The following ALOX5 variants were observed in gnomAD, a reference collection of about 807,000 sequenced individuals.
The protein encoded by ALOX5 is polyunsaturated fatty acid 5-lipoxygenase.
A neutral mutation model predicts 87.9 loss-of-function variants in ALOX5; 64 were observed. The ratio of observed to expected loss-of-function variants is 0.73; its 90% CI spans 0.60 to 0.90. ALOX5 has a LOEUF of 0.90. Among genes scored for constraint, ALOX5 ranks in the 40% least tolerant of loss-of-function variants. The pLI is 0.00. For missense variants in ALOX5, 822 were observed against 907.5 expected, an observed-to-expected ratio of 0.91 and a Z score of 1.21; for synonymous variants, 388 against 355.1, an observed-to-expected ratio of 1.09 and a Z score of -1.04.
Position 45,441,443 on chromosome 10 carries a change from C to T in ALOX5, c.1272+13C>T. The T allele has an allele frequency of 6.2e-7, 1 of 1,611,554 alleles. No individual in the cohort carries two copies. The highest frequency in any genetic ancestry group is 8.5e-7 in the Non-Finnish European group (1 of 1,177,954). On this transcript the variant is annotated intron_variant, in intron 9 of 13. Coordinates refer to ENST00000374391, the MANE Select transcript of ALOX5 (RefSeq NM_000698.5). ...CCTCTTTGACAAGGTGGGTGCCCTC[C>T]TACCCTACTTGTTGCCTGGAAGAGC...
intron 7 of ALOX5, among the ~76,000 whole-genome samples, chr10:45,440,028 A>C (rs1842176029): frequency 1.3e-5 from 2 of 152,306 alleles, no homozygotes; most frequent in African/African-American, 4.8e-5. Flanking sequence ...GGAAAGTATG[A>C]GAGACCAAGG....
chr10:45,439,561 G>A (rs1329774794), intron 7 of ALOX5, among the ~76,000 whole-genome samples: 1 of 152,224 alleles, frequency 6.6e-6, no homozygotes, highest in Non-Finnish European at 1.5e-5. Context: ...GGCTGTGCTG[G>A]GCTCTCAATA....
intron 2 of ALOX5, among the ~76,000 whole-genome samples, chr10:45,389,760 C>T (rs996031391): frequency 6.6e-6 from 1 of 152,236 alleles, no homozygotes; most frequent in Non-Finnish European, 1.5e-5. Context: ...TAAAGACCAT[C>T]AATGCTAGGA....
At chr10:45,386,130 T>A (rs1840000371) in intron 2 of ALOX5, among the ~76,000 whole-genome samples, 1 of 151,860 alleles carries the variant, frequency 6.6e-6, no homozygotes, top group African/African-American at 2.4e-5. Context: ...TAAAACCCCG[T>A]CTCTACTAAA....
rs867425635 is a variant in ALOX5 at position 45,380,707 on chromosome 10, C to T, written c.151-1776C>T. 5.9e-5 allele frequency among the ~76,000 whole-genome samples: 9 copies of T among 152,100 alleles called. No individual in the cohort carries two copies. In the South Asian group the frequency reaches 1.0e-3, roughly 18 times the overall value. The stretch of plus-strand genomic sequence containing the variant: ...CTGTAATCCCAGCACTTTGGGAGAC[C>T]GAGGCAGGTGGATCACTTGAGGTCA... On this transcript the variant is annotated intron_variant, in intron 1 of 13. Coordinates refer to ENST00000374391, the MANE Select transcript of ALOX5 (RefSeq NM_000698.5).
At chr10:45,423,265 G>A (rs139291975) in intron 4 of ALOX5, among the ~76,000 whole-genome samples, 3 of 152,370 alleles carry the variant, frequency 2.0e-5, no homozygotes, top group Non-Finnish European at 4.4e-5. Context: ...AGCACTGACG[G>A]TGGAGAGGCA....
intron 4 of ALOX5, among the ~76,000 whole-genome samples, chr10:45,422,402 G>A (rs1412771300): frequency 2.6e-5 from 4 of 152,174 alleles, no homozygotes; most frequent in Non-Finnish European, 4.4e-5. Context: ...TGAGAAGTGG[G>A]TCCAGGCAGA....
intron 3 of ALOX5, among the ~76,000 whole-genome samples, chr10:45,411,389 T>C (rs1052424568): frequency 1.3e-5 from 2 of 152,212 alleles, no homozygotes; most frequent in Non-Finnish European, 2.9e-5. Context: ...ACCCAGCCCC[T>C]ATTCAAGATG....
At chr10:45,427,113 A>G (rs1841733316) in intron 6 of ALOX5, among the ~76,000 whole-genome samples, 1 of 152,226 alleles carries the variant, frequency 6.6e-6, no homozygotes, top group Non-Finnish European at 1.5e-5. Context: ...CTCGTTTTCC[A>G]GAAATATGAA....
chr10:45,428,541 T>A, intron 6 of ALOX5, 77 bp from the exon 7 acceptor site: 2 of 1,564,088 alleles, frequency 1.3e-6, no homozygotes, highest in South Asian at 1.2e-5. Flanking sequence ...TGCCCAGAGG[T>A]CATCACTCTT....
intron 10 of ALOX5, 83 bp from the exon 11 acceptor site, chr10:45,443,333 C>G (rs1416177803): frequency 6.3e-7 from 1 of 1,585,740 alleles, no homozygotes; most frequent in Non-Finnish European, 8.6e-7. Flanking sequence ...GGGGGAGTCC[C>G]AGCGTCCGTG....
rs571209798 is a variant in ALOX5, at chr10:45,391,438, C to T, written c.350-4417C>T. ...GGGGTGCAGTGGCGTGATCTCGGCT[C>T]GCTACAACCTCCACCTCCCAGCCGC... is the stretch of plus-strand genomic sequence containing the variant. On this transcript the variant is annotated intron_variant, in intron 2 of 13. Coordinates refer to ENST00000374391, the MANE Select transcript of ALOX5 (RefSeq NM_000698.5). 2.3e-4 allele frequency among the ~76,000 whole-genome samples: 35 copies of T among 152,080 alleles called. No homozygotes were observed. In the South Asian group the frequency reaches 4.8e-3, roughly 21 times the overall value.
intron 4 of ALOX5, among the ~76,000 whole-genome samples, chr10:45,412,744 AG>A (rs1841113109): frequency 6.6e-6 from 1 of 152,182 alleles, no homozygotes; most frequent in African/African-American, 2.4e-5. Flanking sequence ...CAACCCCACG[AG>A]GGAGCCACAG....
At chr10:45,424,382 A>C (rs1841619631) in intron 5 of ALOX5, among the ~76,000 whole-genome samples, 1 of 152,214 alleles carries the variant, frequency 6.6e-6, no homozygotes, top group East Asian at 1.9e-4. Flanking sequence ...AGCACCCTCA[A>C]CCTCATTTCA....
At chr10:45,427,420 C>G (rs1329015107) in intron 6 of ALOX5, among the ~76,000 whole-genome samples, 1 of 152,224 alleles carries the variant, frequency 6.6e-6, no homozygotes. Context: ...CTGCTTCCCC[C>G]GCCCATCGCG....
intron 4 of ALOX5, among the ~76,000 whole-genome samples, chr10:45,417,205 G>A (rs1208079219): frequency 3.3e-5 from 5 of 152,032 alleles, no homozygotes; most frequent in Admixed American, 3.3e-4. Context: ...TGGTATAGAA[G>A]GTAACTGTGC....
At chr10:45,392,586 C>T (rs919641206) in intron 2 of ALOX5, among the ~76,000 whole-genome samples, 1 of 152,036 alleles carries the variant, frequency 6.6e-6, no homozygotes, top group Non-Finnish European at 1.5e-5. Context: ...GCCGCAGGGT[C>T]CTCTGCCTAG....
intron 4 of ALOX5, among the ~76,000 whole-genome samples, chr10:45,421,646 T>C (rs1841512733): frequency 1.3e-5 from 2 of 152,220 alleles, no homozygotes; most frequent in South Asian, 4.1e-4. Context: ...GGTATTCCAG[T>C]GCCTGGCTGC....
chr10:45,443,691 G>A (rs752632863), intron 11 of ALOX5, 37 bp from the exon 12 acceptor site: 5 of 1,599,778 alleles, frequency 3.1e-6, no homozygotes, highest in Non-Finnish European at 4.3e-6. Flanking sequence ...GGGGTCCTCA[G>A]GGACTGGGCC....
Sources: gnomAD v4.1 joint callset for allele counts (sites outside exome capture counted in the v4.1 genomes callset) on GRCh38, gnomAD v4.1.1 for gene constraint, MANE v1.5 for transcripts, NCBI Gene and HGNC (gene_info 2026-07-23, HGNC 2026-07-21) for gene names.